DENND5B: variants seen among roughly 807,000 people sequenced by gnomAD.
The protein encoded by DENND5B is DENN domain containing 5B.
In DENND5B, 34 loss-of-function variants were observed where a neutral mutation model predicts 140.6. That is an observed-to-expected ratio of 0.24 (90% CI 0.18 to 0.32). DENND5B has a LOEUF of 0.32. Among genes scored for constraint, DENND5B ranks in the 10% least tolerant of loss-of-function variants. The probability of loss-of-function intolerance (pLI) is 1.00; values close to 1 mark genes in which losing one functional copy is unlikely to be tolerated. For synonymous variants in DENND5B, 551 were observed against 562.1 expected (o/e 0.98, Z 0.28); for missense variants, 1,142 against 1,560.2 (o/e 0.73, Z 4.52).
rs185189467 is a variant in DENND5B at position 31,395,816 on chromosome 12, C to T, written c.3256+2359G>A. Among the ~76,000 whole-genome samples, 487 of 151,144 alleles carry T rather than the reference C, an allele frequency of 3.2e-3. 1 individual carries two copies. Among genetic ancestry groups the T allele is most frequent in the African/African-American group, 0.011 (467 of 41,180 alleles). On this transcript the variant is annotated intron_variant, in intron 17 of 20. Transcript: ENST00000389082. ...TTCTGTGATTTTTCCCTAAATACCGCCTCTATATTCATGTTCTGTGGCTGC... is the reference window on the plus strand; with the variant it reads ...TTCTGTGATTTTTCCCTAAATACCGTCTCTATATTCATGTTCTGTGGCTGC...
intron 1 of DENND5B, among the ~76,000 whole-genome samples, chr12:31,550,033 T>C (rs1565685942): frequency 6.6e-6 from 1 of 151,960 alleles, no homozygotes; most frequent in African/African-American, 2.4e-5. Context: ...TGAGGAATCA[T>C]AAAAGGCCAT....
At chr12:31,398,661 T>C (rs549067016) in intron 16 of DENND5B, among the ~76,000 whole-genome samples, 1 of 152,276 alleles carries the variant, frequency 6.6e-6, no homozygotes, top group African/African-American at 2.4e-5. Context: ...AAGAGGACAA[T>C]GTTTCCATAG....
At position 31,399,740 on chromosome 12, in the gene DENND5B, C is replaced by G; in HGVS notation, c.2982G>C (p.Gln994His). The G allele has an allele frequency of 1.2e-6, 2 of 1,613,968 alleles. No homozygotes were observed. Among genetic ancestry groups the G allele is most frequent in the Non-Finnish European group, 1.7e-6 (2 of 1,179,926 alleles). Residue 994 changes from glutamine (Q) to histidine (H), a missense_variant, in exon 16 of 21, where the codon CAG (glutamine) becomes CAC (histidine). This residue lies in a region of DENND5B where 268 missense variants were observed against 349.2 expected (regional missense o/e 0.77). Coordinates refer to ENST00000389082, the MANE Select transcript of DENND5B (RefSeq NM_144973.4). ...ACAGTCCTGAGTTATCGTGACCAAT[C>G]TGAACAGTGGTCAGCTTCCCCAAGT... ...CQNLGKLTTV[Q>H]IGHDNSGLLA...
intron 14 of DENND5B, among the ~76,000 whole-genome samples, chr12:31,404,999 A>T (rs1031005983): frequency 6.6e-6 from 1 of 151,896 alleles, no homozygotes; most frequent in Admixed American, 6.6e-5. Context: ...ACCTCAGGTG[A>T]TCTGCTCACC....
At chr12:31,456,224 G>A (rs996399804) in intron 4 of DENND5B, among the ~76,000 whole-genome samples, 2 of 150,908 alleles carry the variant, frequency 1.3e-5, no homozygotes, top group African/African-American at 2.4e-5. Flanking sequence ...CAGCTATTTG[G>A]GAAGTTGAGG....
intron 5 of DENND5B, among the ~76,000 whole-genome samples, 153 bp from the exon 6 acceptor site, chr12:31,447,922 TTTCC>T (rs1944340822): frequency 6.6e-6 from 1 of 152,182 alleles, no homozygotes; most frequent in African/African-American, 2.4e-5. Context: ...TCCACTTTTC[TTTCC>T]ATTTTCCTAA....
intron 19 of DENND5B, among the ~76,000 whole-genome samples, 164 bp downstream of exon 19, chr12:31,392,103 C>T (rs1390645281): frequency 6.7e-6 from 1 of 150,240 alleles, no homozygotes; most frequent in East Asian, 1.9e-4. Context: ...CGCACCACTG[C>T]ACTCCAGCTT....
chr12:31,489,772 G>A (rs1472373712), intron 2 of DENND5B, among the ~76,000 whole-genome samples: 2 of 152,140 alleles, frequency 1.3e-5, no homozygotes, highest in African/African-American at 2.4e-5. Flanking sequence ...GGTACTAAGA[G>A]AACCTAAGGT....
chr12:31,531,391 TG>T (rs1948275496), intron 1 of DENND5B, among the ~76,000 whole-genome samples: 1 of 152,102 alleles, frequency 6.6e-6, no homozygotes, highest in African/African-American at 2.4e-5. Context: ...GTAGAGACAG[TG>T]TTTCGCCATG....
At position 31,479,956 on chromosome 12, in the gene DENND5B, A is replaced by G. The variant is rs756160168; in HGVS notation, c.537T>C (p.Tyr179=). 2.5e-6 allele frequency: 4 copies of G among 1,614,028 alleles called. No homozygotes were observed. The South Asian group carries it at 4.4e-5, about 18-fold the overall frequency. Residue 179 remains tyrosine, a synonymous_variant, in exon 3 of 21, where the codon TAT becomes TAC. Coordinates refer to ENST00000389082, the MANE Select transcript of DENND5B (RefSeq NM_144973.4). ...SLLKLQRYNS[Y]DISRDTLYVS... is the part of the protein sequence containing the mutation. ...CATACAGGGTGTCTCTGCTAATATC[A>G]TAGGAGTTGTATCGCTGGAGTTTCA...
At chr12:31,579,457 T>C (rs1004073081) in intron 1 of DENND5B, among the ~76,000 whole-genome samples, 4 of 152,010 alleles carry the variant, frequency 2.6e-5, no homozygotes, top group Admixed American at 2.6e-4. Flanking sequence ...AGCCAGGAGT[T>C]TGAAGCCAGC....
intron 1 of DENND5B, among the ~76,000 whole-genome samples, chr12:31,535,753 G>GC (rs561659186): frequency 1.6e-3 from 243 of 152,214 alleles, no homozygotes; most frequent in Non-Finnish European, 2.5e-3. Flanking sequence ...ACAAACATCC[G>GC]CAAGTATCAA....
intron 1 of DENND5B, among the ~76,000 whole-genome samples, chr12:31,541,659 A>C (rs1416403402): frequency 6.6e-6 from 1 of 152,204 alleles, no homozygotes; most frequent in Non-Finnish European, 1.5e-5. Context: ...AAAAACTAAA[A>C]ATAGAGCTAC....
chr12:31,413,640 G>C, intron 12 of DENND5B, 76 bp from the exon 13 acceptor site: 1 of 1,476,170 alleles, frequency 6.8e-7, no homozygotes, highest in Non-Finnish European at 9.1e-7. Context: ...AGAGTGAACA[G>C]TACTGGGCAC....
chr12:31,590,750 C>G lies in DENND5B; in HGVS notation c.83G>C (p.Cys28Ser). 6.8e-7 allele frequency: 1 copy of G among 1,468,764 alleles called. No individual in the cohort carries two copies. Among genetic ancestry groups the G allele is most frequent in the Non-Finnish European group, 9.0e-7 (1 of 1,115,482 alleles). The allele number at this position is 1,468,764 out of a possible 1,614,324, so 91.0% of individuals were successfully genotyped here. A position where few individuals can be genotyped will look rare whatever the true frequency, so the allele number is the denominator to read the frequency against. The part of the protein sequence containing the change: ...ACRFAHYFVL[C>S]GIDADSGLEP... ...CAGCCCGCTGTCCGCGTCGATCCCG[C>G]ACAGCACGAAGTAGTGCGCGAAGCG... The change falls in exon 1 of 21, where the codon TGC becomes TCC. Residue 28 changes from cysteine (C) to serine (S), a missense_variant. Cys to Ser is a moderately radical substitution (Grantham distance 112). Around this residue, in one of 5 missense-constraint regions of DENND5B, gnomAD observed 708 missense variants for 905.5 expected, o/e 0.78. Coordinates refer to ENST00000389082, the MANE Select transcript of DENND5B (RefSeq NM_144973.4).
intron 1 of DENND5B, among the ~76,000 whole-genome samples, chr12:31,516,769 T>C (rs966723844): frequency 5.9e-5 from 9 of 152,150 alleles, no homozygotes; most frequent in African/African-American, 2.2e-4. Context: ...TATTTTCCTG[T>C]CTGTAATTTT....
intron 3 of DENND5B, among the ~76,000 whole-genome samples, chr12:31,467,103 A>G (rs1207180117): frequency 6.6e-6 from 1 of 152,046 alleles, no homozygotes; most frequent in East Asian, 1.9e-4. Flanking sequence ...TTAACATCCA[A>G]TGAACTATTT....
intron 1 of DENND5B, among the ~76,000 whole-genome samples, chr12:31,560,368 G>A (rs943355840): frequency 2.0e-5 from 3 of 151,916 alleles, no homozygotes; most frequent in Non-Finnish European, 2.9e-5. Flanking sequence ...CTCACACCCC[G>A]CCTTTTGATA....
intron 3 of DENND5B, among the ~76,000 whole-genome samples, chr12:31,474,744 T>C (rs1277260528): frequency 2.0e-5 from 3 of 152,034 alleles, no homozygotes; most frequent in Non-Finnish European, 4.4e-5. Context: ...TTAAGAAGAG[T>C]AAAGGAGGGC....
Sources: allele counts gnomAD v4.1 joint callset (sites outside exome capture counted in the v4.1 genomes callset), GRCh38; gene constraint gnomAD v4.1.1; regional missense constraint gnomAD v4.1.1; transcripts MANE v1.5; gene names NCBI Gene and HGNC (gene_info 2026-07-23, HGNC 2026-07-21).